ZNF366: variants seen among roughly 807,000 people sequenced by gnomAD.
ZNF366 encodes dendritic cell-specific transcript protein.
ZNF366 carries 20 observed loss-of-function variants against 47.2 expected under a neutral mutation model. That is an observed-to-expected ratio of 0.42 (90% CI 0.30 to 0.62). The LOEUF (loss-of-function observed/expected upper bound fraction) is 0.62. Among genes scored for constraint, ZNF366 ranks in the 20% least tolerant of loss-of-function variants. The pLI, the probability that ZNF366 is intolerant of heterozygous loss-of-function variation, is 0.16. For missense variants in ZNF366, 987 were observed against 976.3 expected, an observed-to-expected ratio of 1.01 and a Z score of -0.15; for synonymous variants, 421 against 395.1, an observed-to-expected ratio of 1.07 and a Z score of -0.78.
At chr5:72,471,819 A>G (rs1261305517) in intron 1 of ZNF366, among the ~76,000 whole-genome samples, 1 of 152,192 alleles carries the variant, frequency 6.6e-6, no homozygotes, top group East Asian at 1.9e-4. Context: ...AGGCATTTTA[A>G]TAGACTCCTT....
At chr5:72,458,297 T>C (rs1283479786) in intron 2 of ZNF366, among the ~76,000 whole-genome samples, 2 of 152,200 alleles carry the variant, frequency 1.3e-5, no homozygotes, top group Non-Finnish European at 2.9e-5. Flanking sequence ...ATTACAGGCG[T>C]GAGCCACCGC....
intron 4 of ZNF366, 152 bp from the exon 5 acceptor site, chr5:72,444,443 G>GT: frequency 1.1e-6 from 1 of 901,248 alleles, no homozygotes; most frequent in Non-Finnish European, 1.6e-6. Flanking sequence ...TGGGAGGCTT[G>GT]TAACAGACAG....
Position 72,443,860 on chromosome 5 carries a change from C to G in ZNF366, c.2131G>C (p.Gly711Arg). The change falls in exon 5 of 5, where the codon GGC becomes CGC. Residue 711 changes from glycine (G) to arginine (R), a missense_variant. By Grantham distance (125) the Gly-to-Arg change is moderately radical. Around this residue, in one of 3 missense-constraint regions of ZNF366, gnomAD observed 285 missense variants for 234.8 expected, o/e 1.21. Coordinates refer to ENST00000318442, the MANE Select transcript of ZNF366 (RefSeq NM_152625.3). ...TATAAGTAATCAGAAAAAGAGGGGC[C>G]CCGCCGGGTACTCTGAAAAGCCCTG... ...SLRAFQSTRR[G>R]PSFSDYLYFK... The G allele has an allele frequency of 6.2e-7, 1 of 1,614,144 alleles. No homozygotes were observed.
At chr5:72,486,257 T>C (rs1443576337) in intron 1 of ZNF366, among the ~76,000 whole-genome samples, 1 of 152,154 alleles carries the variant, frequency 6.6e-6, no homozygotes, top group Admixed American at 6.5e-5. Flanking sequence ...ACCTGAAAAA[T>C]AGGCAGACTT....
At chr5:72,479,293 T>C (rs1743735822) in intron 1 of ZNF366, among the ~76,000 whole-genome samples, 1 of 152,172 alleles carries the variant, frequency 6.6e-6, no homozygotes, top group South Asian at 2.1e-4. Flanking sequence ...CTTGGCGTTG[T>C]GGCTTACACC....
chr5:72,477,379 C>T (rs1349796251), intron 1 of ZNF366, among the ~76,000 whole-genome samples: 3 of 152,134 alleles, frequency 2.0e-5, no homozygotes, highest in Non-Finnish European at 4.4e-5. Context: ...TTTTAATGTC[C>T]TGGAAGTTGA....
intron 1 of ZNF366, among the ~76,000 whole-genome samples, chr5:72,494,004 C>T (rs530215875): frequency 2.8e-5 from 4 of 144,198 alleles, no homozygotes; most frequent in East Asian, 2.1e-4. Context: ...AACTCCTGAC[C>T]TTATGATCTG....
intron 1 of ZNF366, among the ~76,000 whole-genome samples, chr5:72,465,298 G>T (rs2112332390): frequency 6.6e-6 from 1 of 152,208 alleles, no homozygotes; most frequent in Non-Finnish European, 1.5e-5. Flanking sequence ...ACCAGCACCA[G>T]GTGATAAGGA....
At position 72,442,684 on chromosome 5, in the gene ZNF366, C is replaced by T. The variant is rs1189941472; in HGVS notation, c.*1072G>A. On this transcript the variant is annotated 3_prime_UTR_variant, in exon 5 of 5. Coordinates refer to ENST00000318442, the MANE Select transcript of ZNF366 (RefSeq NM_152625.3). Reference sequence around the variant, plus strand: ...TTTTTTTTTTTTTTTGAGGCAGAGTCTCACTCTGTCACCCAGGCTGTAGTG... The same window carrying T: ...TTTTTTTTTTTTTTTGAGGCAGAGTTTCACTCTGTCACCCAGGCTGTAGTG... 2 of 142,190 alleles carry T rather than the reference C, an allele frequency of 1.4e-5. No homozygotes were observed. Among genetic ancestry groups the T allele is most frequent in the Non-Finnish European group, 3.0e-5 (2 of 66,638 alleles). 8.8% of individuals were successfully genotyped at this position (142,190 alleles called of 1,614,324 possible). A position where few individuals can be genotyped will look rare whatever the true frequency, so the allele number is the denominator to read the frequency against.
At chr5:72,465,777 G>T (rs780034632) in intron 1 of ZNF366, among the ~76,000 whole-genome samples, 2 of 152,330 alleles carry the variant, frequency 1.3e-5, no homozygotes, top group Admixed American at 6.5e-5. Context: ...TGTAAAAGCC[G>T]CTGCGTGTGG....
chr5:72,495,500 C>T (rs1300830559), intron 1 of ZNF366, among the ~76,000 whole-genome samples: 1 of 152,128 alleles, frequency 6.6e-6, no homozygotes, highest in Non-Finnish European at 1.5e-5. Context: ...TTGCCCCTAG[C>T]TTTCTAGGCT....
At chr5:72,493,965 G>A (rs932732871) in intron 1 of ZNF366, among the ~76,000 whole-genome samples, 10 of 129,976 alleles carry the variant, frequency 7.7e-5, no homozygotes, top group Middle Eastern at 5.0e-3. Flanking sequence ...TAGAGGTGGG[G>A]TTTCACCATA....
Position 72,461,049 on chromosome 5 carries a change from C to T in ZNF366, c.448G>A (p.Val150Ile), listed in dbSNP as rs74552129. The T allele has an allele frequency of 1.8e-3, 2,931 of 1,614,096 alleles. 52 individuals carry two copies. In the African/African-American group the frequency reaches 0.036, roughly 20 times the overall value. ...CTGGGCTTAATGGGTTCCTGCTTGA[C>T]GGGCTTGCCCCCAAAGTGTTCCAGG... ...RSLEHFGGKP[V>I]KQEPIKPSAV... The change falls in exon 2 of 5, where the codon GTC becomes ATC. Residue 150 changes from valine to isoleucine, a missense_variant. Around this residue, in one of 3 missense-constraint regions of ZNF366, gnomAD observed 591 missense variants for 560.9 expected, o/e 1.05. Coordinates refer to ENST00000318442, the MANE Select transcript of ZNF366 (RefSeq NM_152625.3).
At chr5:72,456,363 T>G (rs1360301932) in intron 3 of ZNF366, 41 bp downstream of exon 3, 1 of 1,551,264 alleles carries the variant, frequency 6.4e-7, no homozygotes, top group South Asian at 1.2e-5. Context: ...CCATCAGGCA[T>G]TTGCACAACC....
At chr5:72,450,125 C>T (rs1197615753) in intron 3 of ZNF366, among the ~76,000 whole-genome samples, 1 of 152,206 alleles carries the variant, frequency 6.6e-6, no homozygotes, top group African/African-American at 2.4e-5. Flanking sequence ...TTTAGCCTAA[C>T]TGTGAAAAAT....
At chr5:72,467,281 G>A (rs1328991508) in intron 1 of ZNF366, among the ~76,000 whole-genome samples, 3 of 152,168 alleles carry the variant, frequency 2.0e-5, no homozygotes, top group Admixed American at 6.5e-5. Flanking sequence ...TGTGTTAAAG[G>A]AATCTGGGGC....
At chr5:72,472,859 T>G (rs1743598647) in intron 1 of ZNF366, among the ~76,000 whole-genome samples, 1 of 152,126 alleles carries the variant, frequency 6.6e-6, no homozygotes, top group Admixed American at 6.5e-5. Flanking sequence ...CAGTCCTATT[T>G]GTACCACTGT....
At chr5:72,500,588 T>C (rs1286134645) in intron 1 of ZNF366, among the ~76,000 whole-genome samples, 3 of 152,200 alleles carry the variant, frequency 2.0e-5, no homozygotes, top group Non-Finnish European at 4.4e-5. Flanking sequence ...TGCTCAGAGC[T>C]GAATAGATTG....
At chr5:72,488,763 C>A (rs558400627) in intron 1 of ZNF366, among the ~76,000 whole-genome samples, 2 of 152,286 alleles carry the variant, frequency 1.3e-5, no homozygotes, top group Admixed American at 6.5e-5. Context: ...AGGTTGGGTA[C>A]CATGTATGGA....
Sources: gnomAD v4.1 joint callset for allele counts (sites outside exome capture counted in the v4.1 genomes callset) on GRCh38, gnomAD v4.1.1 for gene constraint, gnomAD v4.1.1 regional missense constraint, MANE v1.5 for transcripts, NCBI Gene and HGNC (gene_info 2026-07-23, HGNC 2026-07-21) for gene names.